Variants in RUFY3 observed in about 807,000 individuals in gnomAD.
RUFY3 encodes protein RUFY3.
A neutral mutation model predicts 84.0 loss-of-function variants in RUFY3; 34 were observed. The observed-to-expected ratio is 0.40, with a 90% CI of 0.31 to 0.54. The LOEUF (loss-of-function observed/expected upper bound fraction) is 0.54. Ranked by LOEUF, RUFY3 falls within the 20% of genes least tolerant of loss-of-function variation. RUFY3 has a pLI of 0.39. For synonymous variants in RUFY3, 242 were observed against 252.9 expected, an observed-to-expected ratio of 0.96 and a Z score of 0.41; for missense variants, 507 against 736.8, an observed-to-expected ratio of 0.69 and a Z score of 3.61.
At chr4:70,747,663 T>C (rs1287171923) in intron 1 of RUFY3, among the ~76,000 whole-genome samples, 1 of 152,236 alleles carries the variant, frequency 6.6e-6, no homozygotes, top group Admixed American at 6.5e-5. Flanking sequence ...ATTATTGTCC[T>C]ATGCTGATGA....
chr4:70,792,072 C>T (rs1291093668), intron 12 of RUFY3: 2 of 985,614 alleles, frequency 2.0e-6, no homozygotes, highest in Non-Finnish European at 2.4e-6. Context: ...TGCAATTCCG[C>T]TTCCTACTTA....
chr4:70,796,385 T>C (rs1731509679), intron 14 of RUFY3, among the ~76,000 whole-genome samples: 1 of 152,206 alleles, frequency 6.6e-6, no homozygotes, highest in Non-Finnish European at 1.5e-5. Context: ...TTGCTTTGAT[T>C]GTGCTTTGTC....
At chr4:70,738,138 T>C (rs974361415) in intron 1 of RUFY3, among the ~76,000 whole-genome samples, 1 of 150,342 alleles carries the variant, frequency 6.7e-6, no homozygotes, top group Non-Finnish European at 1.5e-5. Context: ...CATGCTGCAC[T>C]ACCACACCTG....
At chr4:70,758,082 T>C (rs1724340095) in intron 1 of RUFY3, among the ~76,000 whole-genome samples, 1 of 152,074 alleles carries the variant, frequency 6.6e-6, no homozygotes. Flanking sequence ...AATCCTATAT[T>C]ATAAGTATTC....
rs866347454 is a variant in RUFY3 at position 70,807,663 on chromosome 4, C to G, written c.*1004C>G. Among the ~76,000 whole-genome samples the G allele has an allele frequency of 1.1e-4, 14 of 126,196 alleles. No individual in the cohort carries two copies. The highest frequency in any genetic ancestry group is 2.2e-4 in the Non-Finnish European group (13 of 59,008). The allele number at this position is 126,196 out of a possible 152,430, so 82.8% of individuals were successfully genotyped here. On this transcript the variant is annotated 3_prime_UTR_variant, in exon 18 of 18. Transcript: ENST00000381006. ...TAGCCTCCCAAGTAGCTGGGACTGG[C>G]TTTTTTTTTTTTTTTTTGGCCGGGG...
chr4:70,716,653 G>T (rs1741656721), intron 1 of RUFY3, among the ~76,000 whole-genome samples: 1 of 151,918 alleles, frequency 6.6e-6, no homozygotes, highest in South Asian at 2.1e-4. Context: ...AGACCAGCCT[G>T]GCCAAGATGG....
chr4:70,742,286 A>G (rs1290477454), intron 1 of RUFY3, among the ~76,000 whole-genome samples: 1 of 152,214 alleles, frequency 6.6e-6, no homozygotes, highest in Non-Finnish European at 1.5e-5. Context: ...GCAGCTAACT[A>G]TAGGGAGCTC....
At chr4:70,721,835 G>C (rs754672082), upstream of RUFY3, 14 of 985,150 alleles carry the variant, frequency 1.4e-5, no homozygotes, top group Admixed American at 6.2e-5. Flanking sequence ...CAGTCTGGAA[G>C]TGGGTTGTAC....
rs747705794 is a variant in RUFY3 at position 70,722,541 on chromosome 4, C to CTG, written c.-23_-22dup. On this transcript the variant is annotated 5_prime_UTR_variant, in exon 1 of 18. Transcript: ENST00000381006. Reference sequence around the variant, plus strand: ...TGTGTGTGTGTGAGTGTGTGTGTGTCTGTGTGTGTGTTGTGGTCCCAGCTG... The same window carrying CTG: ...TGTGTGTGTGTGAGTGTGTGTGTGTCTGTGTGTGTGTGTTGTGGTCCCAGCTG... 14 of 1,593,588 alleles carry CTG rather than the reference C, an allele frequency of 8.8e-6. No homozygotes were observed. Among genetic ancestry groups the CTG allele is most frequent in the Non-Finnish European group, 1.2e-5 (14 of 1,169,124 alleles).
intron 1 of RUFY3, among the ~76,000 whole-genome samples, chr4:70,730,033 C>G (rs1718986539): frequency 6.7e-6 from 1 of 149,090 alleles, no homozygotes; most frequent in African/African-American, 2.5e-5. Context: ...CTCCCCAGTT[C>G]AAGCGATTCT....
At position 70,806,875 on chromosome 4, in the gene RUFY3, T is replaced by C. The variant is rs1732905847; in HGVS notation, c.*216T>C. The C allele has an allele frequency of 1.5e-5, 7 of 467,376 alleles. No individual in the cohort carries two copies. In the East Asian group the frequency reaches 1.7e-4, roughly 11 times the overall value. 29.0% of individuals were successfully genotyped at this position (467,376 alleles called of 1,614,324 possible). A position where few individuals can be genotyped will look rare whatever the true frequency, so the allele number is the denominator to read the frequency against. On this transcript the variant is annotated 3_prime_UTR_variant, in exon 18 of 18. Transcript: ENST00000381006. The stretch of plus-strand genomic sequence containing the variant: ...GAATAAAAGTGAACTTACTTGAGCC[T>C]TTCTCTTCTAAATCTAAACAACCTG...
At chr4:70,791,161 G>A (rs907368973) in intron 12 of RUFY3, 12 of 1,321,190 alleles carry the variant, frequency 9.1e-6, no homozygotes, top group Non-Finnish European at 1.3e-5. Context: ...TGCTATTTTT[G>A]TGTTTCCTGT....
At position 70,721,964 on chromosome 4, in the gene RUFY3, A is replaced by G; in HGVS notation, c.-610A>G. The G allele has an allele frequency of 8.1e-7, 1 of 1,232,124 alleles. No homozygotes were observed. Among genetic ancestry groups the G allele is most frequent in the South Asian group, 4.1e-5 (1 of 24,318 alleles). The allele number at this position is 1,232,124 out of a possible 1,614,324, so 76.3% of individuals were successfully genotyped here. Reference sequence around the variant, plus strand: ...TCACATGAGCCTGAATTTTCAGTTCAGTTCATTAGTCAGCCATTTTGGTCA... The same window carrying G: ...TCACATGAGCCTGAATTTTCAGTTCGGTTCATTAGTCAGCCATTTTGGTCA... On this transcript the variant is annotated 5_prime_UTR_variant, in exon 1 of 18. Transcript: ENST00000381006.
At chr4:70,768,318 A>T (rs1726339752) in intron 4 of RUFY3, among the ~76,000 whole-genome samples, 2 of 151,970 alleles carry the variant, frequency 1.3e-5, no homozygotes, top group South Asian at 2.1e-4. Context: ...CTTTTAAAAA[A>T]TTTTTTCTCC....
intron 14 of RUFY3, chr4:70,799,844 G>T (rs1732009828): frequency 3.4e-6 from 1 of 290,366 alleles, no homozygotes. Context: ...CTTCCCCTAA[G>T]AAGTAACTGA....
At chr4:70,783,298 T>C in intron 9 of RUFY3, 115 bp downstream of exon 9, 1 of 650,190 alleles carries the variant, frequency 1.5e-6, no homozygotes, top group South Asian at 1.8e-5. Flanking sequence ...GCACACTTTT[T>C]ATTTAGACTC....
intron 7 of RUFY3, among the ~76,000 whole-genome samples, chr4:70,777,562 C>T (rs1033713921): frequency 6.6e-6 from 1 of 151,994 alleles, no homozygotes; most frequent in African/African-American, 2.4e-5. Context: ...TCTCTGGGGA[C>T]CAAGAACTAA....
intron 1 of RUFY3, among the ~76,000 whole-genome samples, chr4:70,735,671 T>C (rs1271788261): frequency 6.6e-6 from 1 of 151,464 alleles, no homozygotes; most frequent in Admixed American, 6.6e-5. Context: ...CAAAACCCTA[T>C]ATCTACAAAA....
intron 12 of RUFY3, chr4:70,793,002 A>T (rs750706819): frequency 2.0e-6 from 2 of 985,232 alleles, no homozygotes; most frequent in Non-Finnish European, 2.4e-6. Context: ...TACACATAGC[A>T]TGCGTTTAAA....
Sources: gnomAD v4.1 joint callset for allele counts (sites outside exome capture counted in the v4.1 genomes callset) on GRCh38, gnomAD v4.1.1 for gene constraint, MANE v1.5 for transcripts, NCBI Gene and HGNC (gene_info 2026-07-23, HGNC 2026-07-21) for gene names.